The following PTPRN2 variants were observed in gnomAD, a reference collection of about 807,000 sequenced individuals.
PTPRN2 encodes protein tyrosine phosphatase receptor type N2, also known as receptor-type tyrosine-protein phosphatase N2.
Under a neutral mutation model 118.8 loss-of-function variants are expected in PTPRN2, and 74 were observed. The observed-to-expected ratio is 0.62, with a 90% CI of 0.52 to 0.76. The LOEUF is 0.76. Among genes scored for constraint, PTPRN2 ranks in the 30% least tolerant of loss-of-function variants. The probability of loss-of-function intolerance (pLI) is 0.00; values close to 1 mark genes in which losing one functional copy is unlikely to be tolerated. For synonymous variants in PTPRN2, 641 were observed against 608.0 expected (o/e 1.05, Z -0.80); for missense variants, 1,481 against 1,394.4 (o/e 1.06, Z -0.99).
intron 12 of PTPRN2, among the ~76,000 whole-genome samples, chr7:157,835,695 A>G (rs79493024): frequency 0.018 from 2,785 of 152,304 alleles, 85 homozygotes; most frequent in African/African-American, 0.063. Context: ...ATGCGTGGGA[A>G]ACAATGGCTT....
chr7:157,952,021 A>G (rs1800845807), intron 11 of PTPRN2, among the ~76,000 whole-genome samples: 2 of 152,076 alleles, frequency 1.3e-5, no homozygotes, highest in Middle Eastern at 3.2e-3. Context: ...TTCGCTGCCC[A>G]TCTTCCTCCC....
intron 11 of PTPRN2, among the ~76,000 whole-genome samples, chr7:158,021,809 A>G (rs1269444975): frequency 6.6e-6 from 1 of 152,246 alleles, no homozygotes; most frequent in Non-Finnish European, 1.5e-5. Flanking sequence ...TTAGTCCACC[A>G]GAAAAGACCA....
At chr7:158,150,876 T>A (rs1263460960) in intron 6 of PTPRN2, among the ~76,000 whole-genome samples, 1 of 152,002 alleles carries the variant, frequency 6.6e-6, no homozygotes, top group Non-Finnish European at 1.5e-5. Flanking sequence ...CAACCCAACG[T>A]GCTGGTGGAA....
At chr7:158,436,498 T>C (rs1586668763) in intron 2 of PTPRN2, among the ~76,000 whole-genome samples, 1 of 8,470 alleles carries the variant, frequency 1.2e-4, no homozygotes. Context: ...TGTCTTTTCC[T>C]AAGAGTCATC....
At chr7:157,850,969 G>A (rs1809235428) in intron 12 of PTPRN2, among the ~76,000 whole-genome samples, 1 of 152,202 alleles carries the variant, frequency 6.6e-6, no homozygotes, top group Non-Finnish European at 1.5e-5. Context: ...GCGAGTTCTT[G>A]CTGGGGTGAA....
At chr7:158,086,688 G>A (rs898401075) in intron 10 of PTPRN2, among the ~76,000 whole-genome samples, 5 of 152,218 alleles carry the variant, frequency 3.3e-5, no homozygotes, top group African/African-American at 4.8e-5. Context: ...ACGAGAAGGC[G>A]GAGCTGTCCT....
At chr7:158,150,575 T>G (rs1403673940) in intron 6 of PTPRN2, among the ~76,000 whole-genome samples, 1 of 152,066 alleles carries the variant, frequency 6.6e-6, no homozygotes, top group African/African-American at 2.4e-5. Context: ...TTCTAGAAGG[T>G]CAAGGAGCAT....
rs112098578 is a variant in PTPRN2, at chr7:158,368,225, C to T, written c.164-51293G>A. Among the ~76,000 whole-genome samples, 1,299 of 152,250 alleles carry T rather than the reference C, an allele frequency of 8.5e-3. 11 individuals are homozygous for T. Among genetic ancestry groups the T allele is most frequent in the Non-Finnish European group, 0.012 (825 of 68,016 alleles). ...TCCTGCACCGGCCTCCCAGGATATT[C>T]GGCAGCAGGCTGAACCCAACTGGAA... On this transcript the variant is annotated intron_variant, in intron 2 of 22. Coordinates refer to ENST00000389418, the MANE Select transcript of PTPRN2 (RefSeq NM_002847.5).
chr7:157,686,797 G>C (rs1481632712), intron 12 of PTPRN2, among the ~76,000 whole-genome samples: 1 of 152,190 alleles, frequency 6.6e-6, no homozygotes, highest in East Asian at 1.9e-4. Context: ...AGGAGGCCTG[G>C]TAACACAGCG....
chr7:158,304,244 T>C (rs1472250482), intron 3 of PTPRN2, among the ~76,000 whole-genome samples: 1 of 148,312 alleles, frequency 6.7e-6, no homozygotes, highest in Non-Finnish European at 1.5e-5. Context: ...GATTTCTACA[T>C]GCTAGGGAGG....
chr7:157,800,404 T>C (rs1398612613), intron 12 of PTPRN2, among the ~76,000 whole-genome samples: 1 of 152,204 alleles, frequency 6.6e-6, no homozygotes, highest in Non-Finnish European at 1.5e-5. Context: ...ACCCCTAGCG[T>C]GCTTCCCCGC....
chr7:158,348,696 C>A (rs1225957091), intron 2 of PTPRN2, among the ~76,000 whole-genome samples: 1 of 152,182 alleles, frequency 6.6e-6, no homozygotes, highest in African/African-American at 2.4e-5. Context: ...GAATCCTAAC[C>A]ACCACAGCAC....
chr7:158,465,779 C>T (rs752250388), intron 2 of PTPRN2, among the ~76,000 whole-genome samples: 1 of 152,224 alleles, frequency 6.6e-6, no homozygotes, highest in Non-Finnish European at 1.5e-5. Flanking sequence ...CTACCTGCCA[C>T]ATGTGTGCTG....
chr7:158,388,501 C>G, intron 2 of PTPRN2, among the ~76,000 whole-genome samples: 1 of 152,220 alleles, frequency 6.6e-6, no homozygotes, highest in Non-Finnish European at 1.5e-5. Flanking sequence ...TCAAGGAGAG[C>G]CAAACTGAGG....
Position 157,550,256 on chromosome 7 carries a change from G to A in PTPRN2, c.2903-1237C>T, listed in dbSNP as rs1269507068. ...AAGCCAGTGGGGGCTCAGGCTCCAGGAGGATCATCCCAGCAGGGTAGCAGG... is the reference window on the plus strand; with the variant it reads ...AAGCCAGTGGGGGCTCAGGCTCCAGAAGGATCATCCCAGCAGGGTAGCAGG... On this transcript the variant is annotated intron_variant, in intron 21 of 22. Coordinates refer to ENST00000389418, the MANE Select transcript of PTPRN2 (RefSeq NM_002847.5). The surrounding 1 kb of genome is among the most constrained non-coding windows in gnomAD (Gnocchi z 5.2). Among the ~76,000 whole-genome samples, 1 of 152,228 alleles carries A rather than the reference G, an allele frequency of 6.6e-6. No individual in the cohort carries two copies. The highest frequency in any genetic ancestry group is 1.5e-5 in the Non-Finnish European group (1 of 68,036).
chr7:158,166,847 G>A lies in PTPRN2; in HGVS notation c.910+84C>T, dbSNP rs1823055008. 2.9e-6 allele frequency: 4 copies of A among 1,375,816 alleles called. No individual in the cohort carries two copies. In the South Asian group the frequency reaches 7.7e-5, roughly 26 times the overall value. The allele number at this position is 1,375,816 out of a possible 1,614,324, so 85.2% of individuals were successfully genotyped here. On this transcript the variant is annotated intron_variant, in intron 6 of 22. Coordinates refer to ENST00000389418, the MANE Select transcript of PTPRN2 (RefSeq NM_002847.5). The stretch of plus-strand genomic sequence containing the variant: ...GTGCGGTGTGCAGACCCCACGTGTG[G>A]GAAGAGCATGGTGCGTCTGTCACTG...
At chr7:158,393,905 A>C (rs1359970565) in intron 2 of PTPRN2, among the ~76,000 whole-genome samples, 1 of 151,792 alleles carries the variant, frequency 6.6e-6, no homozygotes, top group East Asian at 1.9e-4. Flanking sequence ...CTAACACACA[A>C]TCAAACCCAA....
chr7:158,111,490 T>C (rs1393823377), intron 9 of PTPRN2, among the ~76,000 whole-genome samples: 1 of 152,248 alleles, frequency 6.6e-6, no homozygotes, highest in Non-Finnish European at 1.5e-5. Flanking sequence ...CCAGGGTGGT[T>C]TGCAGCTTGA....
intron 2 of PTPRN2, among the ~76,000 whole-genome samples, chr7:158,337,036 A>T (rs62481672): frequency 1.1e-5 from 1 of 92,732 alleles, no homozygotes; most frequent in Non-Finnish European, 2.4e-5. Context: ...ACCCACAGAC[A>T]TCACTCACAC....
Sources: gnomAD v4.1 joint callset for allele counts (sites outside exome capture counted in the v4.1 genomes callset) on GRCh38, gnomAD v4.1.1 for gene constraint, Gnocchi (gnomAD v3.1) non-coding constraint, MANE v1.5 for transcripts, NCBI Gene and HGNC (gene_info 2026-07-23, HGNC 2026-07-21) for gene names.